PRKN: variants seen among roughly 807,000 people sequenced by gnomAD.
PRKN encodes the protein parkin RBR E3 ubiquitin protein ligase.
PRKN carries 56 observed loss-of-function variants against 59.5 expected under a neutral mutation model. The ratio of observed to expected loss-of-function variants is 0.94; its 90% CI spans 0.76 to 1.18. The LOEUF (loss-of-function observed/expected upper bound fraction) is 1.18, where lower values mean the gene tolerates loss of function less well. PRKN is among the 50% of genes most tolerant of loss of function. The probability of loss-of-function intolerance (pLI) is 0.00; values close to 1 mark genes in which losing one functional copy is unlikely to be tolerated. For synonymous variants in PRKN, 250 were observed against 222.1 expected, an observed-to-expected ratio of 1.13 and a Z score of -1.12; for missense variants, 657 against 596.4, an observed-to-expected ratio of 1.10 and a Z score of -1.06.
intron 4 of PRKN, among the ~76,000 whole-genome samples, chr6:162,183,738 A>G (rs1156864415): frequency 6.6e-5 from 10 of 152,296 alleles, no homozygotes; most frequent in African/African-American, 2.4e-4. Flanking sequence ...CTTTGGGCTC[A>G]ATAGCCATAA....
At chr6:161,655,672 A>C (rs1306111577) in intron 7 of PRKN, among the ~76,000 whole-genome samples, 1 of 152,216 alleles carries the variant, frequency 6.6e-6, no homozygotes, top group Non-Finnish European at 1.5e-5. Context: ...TGTCAAAAAG[A>C]GTCTAGGTTT....
At position 162,339,530 on chromosome 6, in the gene PRKN, C is replaced by T. The variant is rs556817646; in HGVS notation, c.172-76765G>A. Among the ~76,000 whole-genome samples the T allele has an allele frequency of 2.4e-3, 355 of 144,960 alleles. 8 individuals are homozygous for T. Among genetic ancestry groups the T allele is most frequent in the Middle Eastern group, 0.02 (5 of 252 alleles). On this transcript the variant is annotated intron_variant, in intron 2 of 11. Transcript: ENST00000366898. ...GGAGGGAGGTGGGGGGGTCAGCCCC[C>T]CGCCCGGCCAGCCGCCCCGTCCGGG...
chr6:161,834,305 T>G (rs1184137658), intron 6 of PRKN, among the ~76,000 whole-genome samples: 1 of 152,130 alleles, frequency 6.6e-6, no homozygotes, highest in Non-Finnish European at 1.5e-5. Context: ...AAAAGCTCCT[T>G]CTTCCTTTGC....
chr6:161,823,119 T>A (rs1187492845), intron 6 of PRKN, among the ~76,000 whole-genome samples: 5 of 150,892 alleles, frequency 3.3e-5, no homozygotes, highest in Non-Finnish European at 7.4e-5. Context: ...TTTTTTTTTT[T>A]AGAGATGGGG....
intron 1 of PRKN, among the ~76,000 whole-genome samples, chr6:162,719,642 A>C (rs1403956615): frequency 6.6e-6 from 1 of 152,176 alleles, no homozygotes. Flanking sequence ...AATCTAGGGA[A>C]TGTCTCCAGT....
chr6:161,784,135 C>T (rs1790319115), intron 7 of PRKN, among the ~76,000 whole-genome samples: 1 of 152,122 alleles, frequency 6.6e-6, no homozygotes, highest in Non-Finnish European at 1.5e-5. Context: ...TACTTCACTC[C>T]AGGTACATAA....
chr6:162,520,564 C>T (rs1052431972), intron 1 of PRKN, among the ~76,000 whole-genome samples: 3 of 152,150 alleles, frequency 2.0e-5, no homozygotes, highest in Non-Finnish European at 4.4e-5. Flanking sequence ...ATCACTACTT[C>T]TGAACCTCTT....
rs1318284736 is a variant in PRKN, at chr6:161,527,655, C to T, written c.1083+21199G>A. On this transcript the variant is annotated intron_variant, in intron 9 of 11. Transcript: ENST00000366898. The surrounding 1 kb of genome is among the most constrained non-coding windows in gnomAD (Gnocchi z 4.6). ...ACACGCACTGCATCTTCTTCCCTTG[C>T]ACTTCCTTTTACTACTAGAATGAGA... Among the ~76,000 whole-genome samples the T allele has an allele frequency of 6.6e-6, 1 of 152,230 alleles. No individual in the cohort carries two copies. Among genetic ancestry groups the T allele is most frequent in the Non-Finnish European group, 1.5e-5 (1 of 68,038 alleles).
chr6:162,362,275 A>G (rs1197840804), intron 2 of PRKN, among the ~76,000 whole-genome samples: 5 of 152,194 alleles, frequency 3.3e-5, no homozygotes, highest in Non-Finnish European at 7.3e-5. Context: ...ATTTTTCTCT[A>G]CCATGTAAAA....
intron 2 of PRKN, among the ~76,000 whole-genome samples, chr6:162,275,862 T>G (rs1780615387): frequency 6.6e-6 from 1 of 152,016 alleles, no homozygotes; most frequent in Non-Finnish European, 1.5e-5. Context: ...TGATTGGTGG[T>G]TATCTATAGC....
At chr6:162,382,391 G>A (rs963229687) in intron 2 of PRKN, among the ~76,000 whole-genome samples, 4 of 152,154 alleles carry the variant, frequency 2.6e-5, no homozygotes, top group Non-Finnish European at 4.4e-5. Flanking sequence ...TGTGTAAAGT[G>A]AATATAGCAA....
rs375229952 is a variant in PRKN, at chr6:161,705,413, T to G, written c.871+80359A>C. 5.9e-5 allele frequency among the ~76,000 whole-genome samples: 9 copies of G among 152,334 alleles called. No homozygotes were observed. The South Asian group carries it at 1.0e-3, about 18-fold the overall frequency. On this transcript the variant is annotated intron_variant, in intron 7 of 11. Coordinates refer to ENST00000366898, the MANE Select transcript of PRKN (RefSeq NM_004562.3). The stretch of plus-strand genomic sequence containing the variant: ...CTGTACAAAAAGTGAAAAACAAGGT[T>G]GGATTGGTACTTGAAGTATGGTTTC...
At chr6:162,474,103 A>C (rs1374102863) in intron 1 of PRKN, among the ~76,000 whole-genome samples, 1 of 152,200 alleles carries the variant, frequency 6.6e-6, no homozygotes, top group Non-Finnish European at 1.5e-5. Flanking sequence ...ACTTATATGA[A>C]GCTGGAACAA....
At chr6:162,329,487 G>A (rs1783476557) in intron 2 of PRKN, among the ~76,000 whole-genome samples, 1 of 152,100 alleles carries the variant, frequency 6.6e-6, no homozygotes, top group Non-Finnish European at 1.5e-5. Flanking sequence ...CCGTAAGCAA[G>A]TTCCTACCTC....
chr6:162,043,037 T>C (rs1056341522), intron 5 of PRKN, among the ~76,000 whole-genome samples: 1 of 152,264 alleles, frequency 6.6e-6, no homozygotes, highest in African/African-American at 2.4e-5. Context: ...CTCATAATCA[T>C]GGCGGGAGGT....
intron 9 of PRKN, among the ~76,000 whole-genome samples, chr6:161,513,979 T>C (rs979622395): frequency 6.6e-6 from 1 of 152,076 alleles, no homozygotes; most frequent in African/African-American, 2.4e-5. Flanking sequence ...TTAAGGTCTA[T>C]GAAAAGTTGG....
chr6:162,647,103 C>T (rs1163977947), intron 1 of PRKN, among the ~76,000 whole-genome samples: 1 of 151,952 alleles, frequency 6.6e-6, no homozygotes, highest in Non-Finnish European at 1.5e-5. Flanking sequence ...CCCTCTGAGC[C>T]CTCTCCACAA....
intron 1 of PRKN, among the ~76,000 whole-genome samples, chr6:162,648,304 T>C (rs1167885316): frequency 1.3e-5 from 2 of 152,112 alleles, no homozygotes; most frequent in East Asian, 3.9e-4. Flanking sequence ...GGGATTCCAA[T>C]GGTCACTATG....
chr6:162,186,642 G>A (rs1230167036), intron 4 of PRKN, among the ~76,000 whole-genome samples: 3 of 152,144 alleles, frequency 2.0e-5, no homozygotes, highest in Non-Finnish European at 4.4e-5. Flanking sequence ...GGGGCATGGT[G>A]GGAGGTGGTT....
Sources: gnomAD v4.1 joint callset for allele counts (sites outside exome capture counted in the v4.1 genomes callset) on GRCh38, gnomAD v4.1.1 for gene constraint, Gnocchi (gnomAD v3.1) non-coding constraint, MANE v1.5 for transcripts, NCBI Gene and HGNC (gene_info 2026-07-23, HGNC 2026-07-21) for gene names.